The following PTPRS variants were observed in gnomAD, a reference collection of about 807,000 sequenced individuals.
PTPRS encodes the protein protein tyrosine phosphatase receptor type S.
A neutral mutation model predicts 215.3 loss-of-function variants in PTPRS; 63 were observed. The observed-to-expected ratio is 0.29, with a 90% confidence interval of 0.24 to 0.36. The LOEUF is 0.36. PTPRS is among the 10% of genes least tolerant of loss of function. The pLI is 1.00. For missense variants in PTPRS, 2,258 were observed against 2,825.8 expected (o/e 0.80, Z 4.56); for synonymous variants, 1,404 against 1,191.4 (o/e 1.18, Z -3.68).
At chr19:5,290,285 C>G (rs1032012673) in intron 1 of PTPRS, among the ~76,000 whole-genome samples, 1 of 152,210 alleles carries the variant, frequency 6.6e-6, no homozygotes, top group African/African-American at 2.4e-5. Flanking sequence ...GCCAAGGCCC[C>G]CAGCTGGGGT....
chr19:5,270,394 G>A (rs565225328), intron 4 of PTPRS, among the ~76,000 whole-genome samples: 30 of 150,412 alleles, frequency 2.0e-4, no homozygotes, highest in African/African-American at 6.8e-4. Flanking sequence ...AGGCTCAGGC[G>A]ATCCTCCTGC....
rs763198791 is a variant in PTPRS, at chr19:5,240,312, G to A, written c.1591C>T (p.Leu531=). The A allele has an allele frequency of 2.5e-6, 4 of 1,604,554 alleles. No individual in the cohort carries two copies. The highest frequency in any genetic ancestry group is 4.5e-5 in the East Asian group (2 of 44,174). Residue 531 remains leucine (L), a synonymous_variant, in exon 12 of 38, where the codon CTG becomes TTG. Transcript: ENST00000262963. Reference sequence around the variant, plus strand: ...GTCTCCGACCTGGCCTCGGCCCGCAGGTTCATGGGCTGGCCCGGCACTGTG... The same window carrying A: ...GTCTCCGACCTGGCCTCGGCCCGCAAGTTCATGGGCTGGCCCGGCACTGTG... ...QQGVPGQPMN[L]RAEARSETSI...
At position 5,269,560 on chromosome 19, in the gene PTPRS, C is replaced by T. The variant is rs530873809; in HGVS notation, c.379+3882G>A. ...GATCGGGTCAGGGTATCCAAGGCCC[C>T]GGGCCCCAGCAGGAAGAATGAGCTC... On this transcript the variant is annotated intron_variant, in intron 4 of 37. Transcript: ENST00000262963. 5.3e-5 allele frequency among the ~76,000 whole-genome samples: 8 copies of T among 152,066 alleles called. No homozygotes were observed. The South Asian group carries it at 6.2e-4, about 12-fold the overall frequency.
chr19:5,239,041 G>A lies in PTPRS; in HGVS notation c.1727C>T (p.Thr576Met), dbSNP rs200076643. 5.6e-6 allele frequency: 9 copies of A among 1,613,338 alleles called. No individual in the cohort carries two copies. Among genetic ancestry groups the A allele is most frequent in the Admixed American group, 3.3e-5 (2 of 59,968 alleles). The change falls in exon 13 of 38, where the codon ACG becomes ATG. Residue 576 changes from threonine to methionine, a missense_variant. Physicochemically the swap from Thr to Met is moderately conservative, Grantham distance 81 (BLOSUM62 -1). Transcript: ENST00000262963. The stretch of plus-strand genomic sequence containing the variant: ...CAGGTCCTCCACCACGTAGGAAGTC[G>A]TCGGGTCGAAGGTCCTTCCCACCTG... ...GREVGRTFDP[T>M]TSYVVEDLKP... is the part of the protein sequence containing the mutation.
At chr19:5,303,954 A>AAAAAATAATAATAAT in intron 1 of PTPRS, among the ~76,000 whole-genome samples, 1 of 132,254 alleles carries the variant, frequency 7.6e-6, no homozygotes, top group Admixed American at 8.1e-5. Context: ...CTGTCTCAAA[A>AAAAAATAATAATAAT]AATAATAATA....
chr19:5,239,218 G>C (rs2043785053), intron 12 of PTPRS, among the ~76,000 whole-genome samples, 155 bp from the exon 13 acceptor site: 1 of 151,434 alleles, frequency 6.6e-6, no homozygotes, highest in South Asian at 2.1e-4. Context: ...GTGCGGCAGA[G>C]AGGGACAGAG....
At position 5,300,781 on chromosome 19, in the gene PTPRS, A is replaced by G. The variant is rs370897749; in HGVS notation, c.-94-14547T>C. Among the ~76,000 whole-genome samples the G allele has an allele frequency of 6.5e-3, 990 of 151,188 alleles. 7 individuals are homozygous for G. Among genetic ancestry groups the G allele is most frequent in the Non-Finnish European group, 9.8e-3 (662 of 67,770 alleles). On this transcript the variant is annotated intron_variant, in intron 1 of 37. Coordinates refer to ENST00000262963, the MANE Select transcript of PTPRS (RefSeq NM_002850.4). The stretch of plus-strand genomic sequence containing the variant: ...AGACTCCGTCTCAAAAAAAAAAAAA[A>G]AAAAGAAAAGAAAAGAAAGAAAAAG...
At chr19:5,273,806 G>A (rs1468450405) in intron 3 of PTPRS, among the ~76,000 whole-genome samples, 3 of 152,224 alleles carry the variant, frequency 2.0e-5, no homozygotes, top group Non-Finnish European at 4.4e-5. Context: ...ACAGGGTGTT[G>A]TGTGCATGTG....
At chr19:5,307,622 T>C (rs909152371) in intron 1 of PTPRS, among the ~76,000 whole-genome samples, 3 of 152,236 alleles carry the variant, frequency 2.0e-5, no homozygotes, top group African/African-American at 7.2e-5. Flanking sequence ...AGAAGATTTC[T>C]AGATAAACTG....
At chr19:5,209,576 T>C (rs1360891738) in intron 35 of PTPRS, among the ~76,000 whole-genome samples, 1 of 152,206 alleles carries the variant, frequency 6.6e-6, no homozygotes, top group Non-Finnish European at 1.5e-5. Flanking sequence ...TACCATTGAC[T>C]ATTGTTTACT....
At chr19:5,269,496 G>A (rs1006132679) in intron 4 of PTPRS, among the ~76,000 whole-genome samples, 1 of 152,082 alleles carries the variant, frequency 6.6e-6, no homozygotes, top group African/African-American at 2.4e-5. Context: ...GGACTGGCCG[G>A]AGGTGCCCGG....
In PTPRS at chr19:5,287,448, T is replaced by TG. The variant is rs1459452630; in HGVS notation, c.-94-1215dup. Among the ~76,000 whole-genome samples, 1 of 152,186 alleles carries TG rather than the reference T, an allele frequency of 6.6e-6. No individual in the cohort carries two copies. The highest frequency in any genetic ancestry group is 6.5e-5 in the Admixed American group (1 of 15,278). Reference sequence around the variant, plus strand: ...TCGTCACATACCTTGAACCCTGGAATGGCCCCCTCCCCATCTCCCCAATCT... The same window carrying TG: ...TCGTCACATACCTTGAACCCTGGAATGGGCCCCCTCCCCATCTCCCCAATCT... On this transcript the variant is annotated intron_variant, in intron 1 of 37. Coordinates refer to ENST00000262963, the MANE Select transcript of PTPRS (RefSeq NM_002850.4). This position sits in a 1 kb window ranked among gnomAD's most constrained non-coding sequence, Gnocchi z 4.8.
chr19:5,221,819 T>G (rs1397274421), intron 19 of PTPRS, among the ~76,000 whole-genome samples: 1 of 152,156 alleles, frequency 6.6e-6, no homozygotes. Context: ...CCAACTCTGA[T>G]TTCCAATATG....
At chr19:5,261,825 G>T (rs1365735687) in intron 6 of PTPRS, among the ~76,000 whole-genome samples, 7 of 152,176 alleles carry the variant, frequency 4.6e-5, no homozygotes, top group African/African-American at 1.2e-4. Context: ...ATCTTTCGAG[G>T]TGTTCTCGTG....
intron 1 of PTPRS, among the ~76,000 whole-genome samples, chr19:5,311,995 G>C (rs1224538081): frequency 6.6e-6 from 1 of 151,558 alleles, no homozygotes; most frequent in African/African-American, 2.4e-5. Flanking sequence ...AGCCGAGATC[G>C]TGCGCCACTG....
intron 1 of PTPRS, among the ~76,000 whole-genome samples, chr19:5,335,727 G>A (rs565602987): frequency 6.1e-4 from 93 of 152,264 alleles, no homozygotes; most frequent in African/African-American, 2.0e-3. Context: ...CAGTTACGGC[G>A]ATGGGGACCG....
intron 1 of PTPRS, among the ~76,000 whole-genome samples, chr19:5,289,378 G>C (rs1423336122): frequency 6.6e-6 from 1 of 152,128 alleles, no homozygotes; most frequent in African/African-American, 2.4e-5. Flanking sequence ...CCTCCATCGT[G>C]GTCTCCCAGC....
intron 1 of PTPRS, among the ~76,000 whole-genome samples, chr19:5,330,018 C>T (rs180778439): frequency 2.0e-3 from 290 of 142,794 alleles, no homozygotes; most frequent in African/African-American, 6.9e-3. Flanking sequence ...TGGAAGTTGC[C>T]GTGAGCCGAG....
In PTPRS at chr19:5,297,739, A is replaced by C. The variant is rs186010197; in HGVS notation, c.-94-11505T>G. On this transcript the variant is annotated intron_variant, in intron 1 of 37. Coordinates refer to ENST00000262963, the MANE Select transcript of PTPRS (RefSeq NM_002850.4). ...CAGAGTTGCAGGCAGGAGGAACAGC[A>C]AATACGATGGCCCTGAGGCTAACCA... is the stretch of plus-strand genomic sequence containing the variant. Among the ~76,000 whole-genome samples the C allele has an allele frequency of 2.0e-5, 3 of 152,190 alleles. No individual in the cohort carries two copies. In the East Asian group the frequency reaches 5.8e-4, roughly 29 times the overall value.
Sources: allele counts gnomAD v4.1 joint callset (sites outside exome capture counted in the v4.1 genomes callset), GRCh38; gene constraint gnomAD v4.1.1; non-coding constraint Gnocchi (gnomAD v3.1); transcripts MANE v1.5; gene names NCBI Gene and HGNC (gene_info 2026-07-23, HGNC 2026-07-21).